DPP10: variants seen among roughly 807,000 people sequenced by gnomAD.
DPP10 encodes the protein inactive dipeptidyl peptidase 10.
A neutral mutation model predicts 120.9 loss-of-function variants in DPP10; 33 were observed. That is an observed-to-expected ratio of 0.27 (90% CI 0.21 to 0.37). DPP10 has a LOEUF of 0.37. Ranked by LOEUF, DPP10 falls within the 10% of genes least tolerant of loss-of-function variation. The probability of loss-of-function intolerance (pLI) is 1.00; values close to 1 mark genes in which losing one functional copy is unlikely to be tolerated. For synonymous variants in DPP10, 337 were observed against 326.1 expected (o/e 1.03, Z -0.36); for missense variants, 816 against 942.8 (o/e 0.87, Z 1.76).
intron 1 of DPP10, among the ~76,000 whole-genome samples, chr2:114,771,039 A>G (rs2106150138): frequency 6.6e-6 from 1 of 152,368 alleles, no homozygotes; most frequent in Admixed American, 6.5e-5. Flanking sequence ...AAGTCTAAAC[A>G]CTTACCCACT....
At chr2:115,750,064 C>T in intron 10 of DPP10, 1 of 985,320 alleles carries the variant, frequency 1.0e-6, no homozygotes, top group Non-Finnish European at 1.2e-6. Flanking sequence ...GCAGGAAACC[C>T]AGTTATAAGA....
chr2:114,577,884 A>G (rs917436202), intron 1 of DPP10, among the ~76,000 whole-genome samples: 4 of 152,098 alleles, frequency 2.6e-5, no homozygotes, highest in South Asian at 4.1e-4. Context: ...TCTGTTCCCA[A>G]ATGTCCCCCT....
intron 1 of DPP10, among the ~76,000 whole-genome samples, chr2:115,072,315 A>G (rs1407945810): frequency 6.6e-6 from 1 of 152,200 alleles, no homozygotes; most frequent in Non-Finnish European, 1.5e-5. Context: ...TTTAGCATAG[A>G]TATGTCTTTT....
chr2:115,632,349 T>C (rs1455972570), intron 5 of DPP10, among the ~76,000 whole-genome samples: 3 of 152,222 alleles, frequency 2.0e-5, no homozygotes, highest in Non-Finnish European at 4.4e-5. Flanking sequence ...GTCTTGACTC[T>C]ATCCAGCTTG....
intron 1 of DPP10, among the ~76,000 whole-genome samples, chr2:114,912,321 T>A (rs562554787): frequency 1.2e-4 from 19 of 152,286 alleles, no homozygotes; most frequent in South Asian, 4.1e-4. Context: ...ATTCCACATC[T>A]ACTATACAGA....
intron 3 of DPP10, among the ~76,000 whole-genome samples, chr2:115,473,106 A>G (rs2074840615): frequency 6.6e-6 from 1 of 152,208 alleles, no homozygotes; most frequent in Non-Finnish European, 1.5e-5. Context: ...TTTCCTAATT[A>G]TTATAACATA....
rs201197318 is a variant in DPP10 at position 115,842,388 on chromosome 2, A to G, written c.*43A>G. The G allele has an allele frequency of 2.8e-4, 451 of 1,582,704 alleles. No individual in the cohort carries two copies. Among genetic ancestry groups the G allele is most frequent in the Admixed American group, 3.9e-4 (23 of 58,648 alleles). On this transcript the variant is annotated 3_prime_UTR_variant, in exon 26 of 26. Coordinates refer to ENST00000410059, the MANE Select transcript of DPP10 (RefSeq NM_020868.6). The stretch of plus-strand genomic sequence containing the variant: ...GAACTGAAGGGAATATTGAGGCTCA[A>G]TGAAACCTGACAAAGAGACTGTAAT...
At chr2:115,172,341 G>A (rs1003241476) in intron 1 of DPP10, among the ~76,000 whole-genome samples, 1 of 149,412 alleles carries the variant, frequency 6.7e-6, no homozygotes, top group Non-Finnish European at 1.5e-5. Flanking sequence ...CCCAGATCGC[G>A]CCACTGCACT....
At chr2:114,950,919 T>C (rs13430804) in intron 1 of DPP10, among the ~76,000 whole-genome samples, 49,827 of 152,022 alleles carry the variant, frequency 0.33, 8,446 homozygotes, top group Non-Finnish European at 0.38. Flanking sequence ...TTTACATTTA[T>C]GTCAATTCTT....
chr2:114,606,329 G>A (rs974827141), intron 1 of DPP10, among the ~76,000 whole-genome samples: 3 of 152,066 alleles, frequency 2.0e-5, no homozygotes, highest in Non-Finnish European at 2.9e-5. Flanking sequence ...CAAAGTTAGC[G>A]AAGATCTTTC....
intron 1 of DPP10, among the ~76,000 whole-genome samples, chr2:114,830,444 G>T (rs1686995834): frequency 6.6e-6 from 1 of 152,086 alleles, no homozygotes; most frequent in Non-Finnish European, 1.5e-5. Context: ...CACATTTCAA[G>T]ATCCATAAAA....
intron 1 of DPP10, among the ~76,000 whole-genome samples, chr2:114,550,127 A>G (rs1351969572): frequency 4.6e-5 from 7 of 152,096 alleles, no homozygotes; most frequent in Non-Finnish European, 1.0e-4. Context: ...CTCATTTTTC[A>G]TTTAAATGAC....
chr2:115,429,720 A>G (rs528720182), intron 3 of DPP10, among the ~76,000 whole-genome samples: 3 of 121,470 alleles, frequency 2.5e-5, no homozygotes, highest in South Asian at 2.8e-4. Context: ...AGTAAAACAC[A>G]GGGAAACATA....
chr2:115,343,770 A>G, intron 2 of DPP10, 47 bp from the exon 3 acceptor site: 2 of 1,386,538 alleles, frequency 1.4e-6, no homozygotes, highest in South Asian at 2.6e-5. Context: ...TCCTTTTAAA[A>G]AACAAGCATA....
At chr2:114,952,999 T>G (rs933887601) in intron 1 of DPP10, among the ~76,000 whole-genome samples, 3 of 151,868 alleles carry the variant, frequency 2.0e-5, no homozygotes, top group African/African-American at 7.3e-5. Context: ...TGAGGCTTTT[T>G]TTTTTTCTGG....
At chr2:114,509,788 T>G (rs1683980535) in intron 1 of DPP10, among the ~76,000 whole-genome samples, 1 of 152,222 alleles carries the variant, frequency 6.6e-6, no homozygotes, top group Admixed American at 6.5e-5. Context: ...GATGCCAATT[T>G]GGAAATGCAG....
In DPP10 at chr2:115,806,378, T is replaced by TAA. The variant is rs1215507492; in HGVS notation, c.1701-8415_1701-8414insAA. On this transcript the variant is annotated intron_variant, in intron 19 of 25. Transcript: ENST00000410059. ...GGTTTACTAAGTTGCAAGATGGTTC[T>TAA]GCCACTGCCTGCTTATACTTAGTAC... 2.8e-4 allele frequency among the ~76,000 whole-genome samples: 42 copies of TAA among 152,314 alleles called. 1 individual carries two copies. In the South Asian group the frequency reaches 8.1e-3, roughly 29 times the overall value.
chr2:115,175,554 G>A (rs915944425), intron 1 of DPP10, among the ~76,000 whole-genome samples: 2 of 152,186 alleles, frequency 1.3e-5, no homozygotes, highest in African/African-American at 2.4e-5. Context: ...GAGTACTTCT[G>A]TGCAGTGTAA....
chr2:114,783,777 T>C (rs1682533713), intron 1 of DPP10, among the ~76,000 whole-genome samples: 2 of 152,004 alleles, frequency 1.3e-5, no homozygotes, highest in Admixed American at 1.3e-4. Flanking sequence ...TAGGCTGCAG[T>C]GAGCTGTGTT....
Sources: gnomAD v4.1 joint callset for allele counts (sites outside exome capture counted in the v4.1 genomes callset) on GRCh38, gnomAD v4.1.1 for gene constraint, MANE v1.5 for transcripts, NCBI Gene and HGNC (gene_info 2026-07-23, HGNC 2026-07-21) for gene names.